R3HCC1: variants seen among roughly 807,000 people sequenced by gnomAD.
R3HCC1 encodes R3H and coiled-coil domain-containing protein 1.
In R3HCC1, 32 loss-of-function variants were observed where a neutral mutation model predicts 40.0. The ratio of observed to expected loss-of-function variants is 0.80; its 90% CI spans 0.60 to 1.07. R3HCC1 has a LOEUF of 1.07. Ranked by LOEUF, R3HCC1 falls within the 50% of genes least tolerant of loss-of-function variation. The pLI is 0.00. For synonymous variants in R3HCC1, 237 were observed against 232.8 expected, an observed-to-expected ratio of 1.02 and a Z score of -0.17; for missense variants, 586 against 563.3, an observed-to-expected ratio of 1.04 and a Z score of -0.41.
At chr8:23,293,163 C>G in intron 5 of R3HCC1, 140 bp from the exon 6 acceptor site, 1 of 623,924 alleles carries the variant, frequency 1.6e-6, no homozygotes, top group South Asian at 2.0e-5. Flanking sequence ...AAATGATTGT[C>G]TCCGTCCCAG....
intron 7 of R3HCC1, among the ~76,000 whole-genome samples, chr8:23,295,092 T>G (rs1235870407): frequency 6.6e-6 from 1 of 152,024 alleles, no homozygotes; most frequent in Non-Finnish European, 1.5e-5. Context: ...GGGTCTCCCT[T>G]GGGGAGTGGC....
In R3HCC1 at chr8:23,290,177, T is replaced by C. The variant is rs1333720895; in HGVS notation, c.560T>C (p.Leu187Pro). Residue 187 changes from leucine (L) to proline (P), a missense_variant, in exon 4 of 8, where the codon CTG (leucine) becomes CCG (proline). By Grantham distance (98) the Leu-to-Pro change is moderately conservative. Coordinates refer to ENST00000265806, the MANE Select transcript of R3HCC1 (RefSeq NM_001136108.3). The stretch of plus-strand genomic sequence containing the variant: ...AACTCTGATCAGGGACTCCCTGTGC[T>C]GATGACTCAGGGAACAGAGGACCTA... 6.4e-7 allele frequency: 1 copy of C among 1,551,664 alleles called. No individual in the cohort carries two copies. The highest frequency in any genetic ancestry group is 8.7e-7 in the Non-Finnish European group (1 of 1,146,956).
intron 4 of R3HCC1, chr8:23,291,136 T>C: frequency 8.6e-6 from 4 of 465,796 alleles, no homozygotes; most frequent in Middle Eastern, 1.2e-3. Context: ...ACATTATGTG[T>C]GTAATTGCCA....
At chr8:23,291,251 A>G in intron 4 of R3HCC1, 110 bp from the exon 5 acceptor site, 1 of 1,430,786 alleles carries the variant, frequency 7.0e-7, no homozygotes, top group South Asian at 1.5e-5. Flanking sequence ...CCTTTCCCAG[A>G]CTTTTGCCAG....
chr8:23,294,714 T>C, intron 6 of R3HCC1, 55 bp from the exon 7 acceptor site: 1 of 1,363,114 alleles, frequency 7.3e-7, no homozygotes, highest in Non-Finnish European at 1.0e-6. Flanking sequence ...GTGGTGGGTG[T>C]GCCGCGGGGT....
chr8:23,291,286 T>G, intron 4 of R3HCC1, 75 bp from the exon 5 acceptor site: 1 of 1,490,268 alleles, frequency 6.7e-7, no homozygotes, highest in Non-Finnish European at 9.0e-7. Flanking sequence ...CCTGCAGAGC[T>G]CTCAGCGCGT....
At chr8:23,290,623 A>G (rs1330020513) in intron 4 of R3HCC1, among the ~76,000 whole-genome samples, 154 bp downstream of exon 4, 2 of 152,128 alleles carry the variant, frequency 1.3e-5, no homozygotes, top group Non-Finnish European at 2.9e-5. Flanking sequence ...TAGGGAACTC[A>G]GGAGATGAGG....
rs541382903 is a variant in R3HCC1 at position 23,289,292 on chromosome 8, C to T, written c.248+139C>T. The stretch of plus-strand genomic sequence containing the variant: ...GCTGCCATTCCTAGCTGCAGCTGCT[C>T]AGCCAGGGCTGCCTTTTGCATCAAC... On this transcript the variant is annotated intron_variant, in intron 3 of 7. Coordinates refer to ENST00000265806, the MANE Select transcript of R3HCC1 (RefSeq NM_001136108.3). The T allele has an allele frequency of 9.5e-6, 9 of 950,648 alleles. No individual in the cohort carries two copies. The South Asian group carries it at 1.4e-4, about 14-fold the overall frequency. The allele number at this position is 950,648 out of a possible 1,614,324, so 58.9% of individuals were successfully genotyped here.
chr8:23,288,828 C>G (rs1346964830), intron 2 of R3HCC1, among the ~76,000 whole-genome samples, 188 bp from the exon 3 acceptor site: 1 of 152,160 alleles, frequency 6.6e-6, no homozygotes, highest in Non-Finnish European at 1.5e-5. Flanking sequence ...GGGCCCGGCA[C>G]AGGGATTGGG....
intron 6 of R3HCC1, among the ~76,000 whole-genome samples, 199 bp from the exon 7 acceptor site, chr8:23,294,570 C>A (rs1802946935): frequency 1.3e-5 from 2 of 152,204 alleles, no homozygotes; most frequent in African/African-American, 2.4e-5. Context: ...GCGCAGGTGT[C>A]CCTGTGCGGG....
At chr8:23,288,098 G>A (rs1273258594), upstream of R3HCC1, 7 of 1,270,054 alleles carry the variant, frequency 5.5e-6, no homozygotes, top group South Asian at 2.5e-5. Context: ...TCTCTAGGGC[G>A]CTCGGGCGCG....
chr8:23,289,843 A>G, intron 3 of R3HCC1, 23 bp from the exon 4 acceptor site: 1 of 1,477,838 alleles, frequency 6.8e-7, no homozygotes, highest in Non-Finnish European at 8.9e-7. Context: ...CACTCTGATT[A>G]CCTCCTCCCA....
At chr8:23,295,560 G>T in intron 7 of R3HCC1, 1 of 463,236 alleles carries the variant, frequency 2.2e-6, no homozygotes, top group Non-Finnish European at 4.3e-6. Flanking sequence ...CTGTGCTCTC[G>T]TGGGTGGTTA....
chr8:23,288,256 G>A (rs1369019442), intron 1 of R3HCC1, 99 bp downstream of exon 1: 18 of 1,162,858 alleles, frequency 1.5e-5, no homozygotes, highest in African/African-American at 9.5e-5. Context: ...CGTGAGCCCC[G>A]GGAAGGAGCG....
Position 23,293,349 on chromosome 8 carries a change from G to T in R3HCC1, c.1072G>T (p.Gly358Cys). ...GTGGGTGGATGATACTCACGCACTC[G>T]GCATCTTTCCCTGCCTGGCCTCAGG... is the stretch of plus-strand genomic sequence containing the variant. Residue 358 changes from glycine (G) to cysteine (C), a missense_variant, in exon 6 of 8, where the codon GGC becomes TGC. Gly to Cys is a radical substitution (Grantham distance 159). Transcript: ENST00000265806. 3 of 1,551,330 alleles carry T rather than the reference G, an allele frequency of 1.9e-6. No homozygotes were observed. Among genetic ancestry groups the T allele is most frequent in the Non-Finnish European group, 2.6e-6 (3 of 1,146,894 alleles).
rs1274460511 is a variant in R3HCC1 at position 23,288,639 on chromosome 8, C to T, written c.110+6C>T. 6.5e-7 allele frequency: 1 copy of T among 1,535,784 alleles called. No individual in the cohort carries two copies. The highest frequency in any genetic ancestry group is 8.7e-7 in the Non-Finnish European group (1 of 1,146,664). On this transcript the variant is annotated splice_donor_region_variant and intron_variant, in intron 2 of 7. Coordinates refer to ENST00000265806, the MANE Select transcript of R3HCC1 (RefSeq NM_001136108.3). Reference sequence around the variant, plus strand: ...CTGCAGAAGCAGCTGTCAAAGTAGGCTCATGTGAGGGGCGAGGGTGCCGCC... The same window carrying T: ...CTGCAGAAGCAGCTGTCAAAGTAGGTTCATGTGAGGGGCGAGGGTGCCGCC...
chr8:23,295,950 T>C lies in R3HCC1; in HGVS notation c.1193-17T>C. The C allele has an allele frequency of 6.5e-7, 1 of 1,545,350 alleles. No individual in the cohort carries two copies. Among genetic ancestry groups the C allele is most frequent in the Non-Finnish European group, 8.7e-7 (1 of 1,143,666 alleles). On this transcript the variant is annotated splice_polypyrimidine_tract_variant and intron_variant, in intron 7 of 7. Coordinates refer to ENST00000265806, the MANE Select transcript of R3HCC1 (RefSeq NM_001136108.3). Reference sequence around the variant, plus strand: ...CGACCTTGTGTTTAGGTCCCCACTGTGGGGCTTTCCTTCTAGAACTCCTGC... The same window carrying C: ...CGACCTTGTGTTTAGGTCCCCACTGCGGGGCTTTCCTTCTAGAACTCCTGC...
At chr8:23,288,774 T>C (rs1802794744) in intron 2 of R3HCC1, 141 bp downstream of exon 2, 4 of 1,123,196 alleles carry the variant, frequency 3.6e-6, no homozygotes, top group Non-Finnish European at 5.0e-6. Context: ...GCTGCCTCTT[T>C]TAGCTGCATC....
rs1802867790 is a variant in R3HCC1, at chr8:23,291,551, A to C, written c.1025+18A>C. 1 of 1,549,322 alleles carries C rather than the reference A, an allele frequency of 6.5e-7. No homozygotes were observed. The highest frequency in any genetic ancestry group is 2.0e-5 in the Admixed American group (1 of 50,974). Reference sequence around the variant, plus strand: ...GAGTTCCAGTGAGTGGTGGCTGGGGAGGTGCTGCCTTCAGAGAGGAGCTAA... The same window carrying C: ...GAGTTCCAGTGAGTGGTGGCTGGGGCGGTGCTGCCTTCAGAGAGGAGCTAA... On this transcript the variant is annotated intron_variant, in intron 5 of 7. Coordinates refer to ENST00000265806, the MANE Select transcript of R3HCC1 (RefSeq NM_001136108.3).
Sources: gnomAD v4.1 joint callset for allele counts (sites outside exome capture counted in the v4.1 genomes callset) on GRCh38, gnomAD v4.1.1 for gene constraint, MANE v1.5 for transcripts, NCBI Gene and HGNC (gene_info 2026-07-23, HGNC 2026-07-21) for gene names.